Variants in PTPRD observed in about 807,000 individuals in gnomAD.
PTPRD encodes receptor-type tyrosine-protein phosphatase delta.
PTPRD carries 34 observed loss-of-function variants against 214.5 expected under a neutral mutation model. That is an observed-to-expected ratio of 0.16 (90% CI 0.12 to 0.21). PTPRD has a LOEUF of 0.21. Ranked by LOEUF, PTPRD falls within the 10% of genes least tolerant of loss-of-function variation. PTPRD has a pLI of 1.00. For synonymous variants in PTPRD, 1,128 were observed against 845.7 expected (o/e 1.33, Z -5.79); for missense variants, 2,545 against 2,398.7 (o/e 1.06, Z -1.27).
At chr9:9,857,168 T>C (rs1433598416) in intron 5 of PTPRD, among the ~76,000 whole-genome samples, 1 of 152,168 alleles carries the variant, frequency 6.6e-6, no homozygotes, top group East Asian at 1.9e-4. Context: ...ATTGTTTATG[T>C]CACAATTTCA....
intron 37 of PTPRD, among the ~76,000 whole-genome samples, chr9:8,387,895 G>A (rs2087771271): frequency 6.6e-6 from 1 of 152,180 alleles, no homozygotes; most frequent in South Asian, 2.1e-4. Flanking sequence ...GAAACTGCTT[G>A]ATATATAGGA....
intron 39 of PTPRD, among the ~76,000 whole-genome samples, chr9:8,352,496 G>A (rs1004741350): frequency 6.6e-6 from 1 of 152,094 alleles, no homozygotes; most frequent in African/African-American, 2.4e-5. Context: ...TTTGAAAGAG[G>A]AGACAACCAT....
At chr9:9,852,181 A>C (rs2060670425) in intron 5 of PTPRD, among the ~76,000 whole-genome samples, 1 of 152,182 alleles carries the variant, frequency 6.6e-6, no homozygotes, top group East Asian at 1.9e-4. Flanking sequence ...TTTGTTTTTG[A>C]AATGAAATAT....
At chr9:8,743,187 A>T (rs2092318516) in intron 11 of PTPRD, among the ~76,000 whole-genome samples, 1 of 152,110 alleles carries the variant, frequency 6.6e-6, no homozygotes, top group Admixed American at 6.6e-5. Flanking sequence ...GTTTTCATAC[A>T]TAAACTCAAA....
intron 11 of PTPRD, among the ~76,000 whole-genome samples, chr9:8,843,404 GATTTT>G (rs1039641742): frequency 5.9e-5 from 9 of 152,214 alleles, no homozygotes; most frequent in African/African-American, 2.2e-4. Flanking sequence ...TGTACACCTT[GATTTT>G]ATTACATCTG....
At chr9:9,747,770 C>A (rs558137793) in intron 6 of PTPRD, among the ~76,000 whole-genome samples, 1 of 152,212 alleles carries the variant, frequency 6.6e-6, no homozygotes, top group East Asian at 1.9e-4. Context: ...CCGGGCTGGT[C>A]TCAAACTACT....
At chr9:8,968,497 G>A (rs1171588452) in intron 11 of PTPRD, among the ~76,000 whole-genome samples, 1 of 151,858 alleles carries the variant, frequency 6.6e-6, no homozygotes, top group Admixed American at 6.6e-5. Flanking sequence ...GCATTTCTCT[G>A]ATCGCCAGTG....
intron 14 of PTPRD, among the ~76,000 whole-genome samples, chr9:8,565,528 A>G (rs2088645703): frequency 6.6e-6 from 1 of 152,172 alleles, no homozygotes; most frequent in Non-Finnish European, 1.5e-5. Context: ...TCTCCCCTTG[A>G]CACTTCACGT....
At chr9:10,117,526 C>T (rs2098740085) in intron 3 of PTPRD, among the ~76,000 whole-genome samples, 1 of 151,966 alleles carries the variant, frequency 6.6e-6, no homozygotes, top group Non-Finnish European at 1.5e-5. Context: ...TTGCTTCCTT[C>T]AGTTTTTGGT....
At chr9:9,943,561 A>C (rs1435903947) in intron 4 of PTPRD, among the ~76,000 whole-genome samples, 2 of 152,164 alleles carry the variant, frequency 1.3e-5, no homozygotes, top group Admixed American at 6.6e-5. Flanking sequence ...AATAGCGAAC[A>C]TGTAATTAAG....
intron 3 of PTPRD, among the ~76,000 whole-genome samples, chr9:10,090,450 T>C (rs191214386): frequency 1.8e-4 from 27 of 151,516 alleles, no homozygotes; most frequent in African/African-American, 6.5e-4. Context: ...AAATCTGCAA[T>C]GGTAATTCTT....
At chr9:8,635,362 G>A (rs184760782) in intron 13 of PTPRD, among the ~76,000 whole-genome samples, 4 of 151,644 alleles carry the variant, frequency 2.6e-5, no homozygotes, top group Non-Finnish European at 5.9e-5. Flanking sequence ...TTAATGTGCA[G>A]CAAAGATGCA....
At chr9:8,460,193 T>A in intron 33 of PTPRD, 1 of 600,478 alleles carries the variant, frequency 1.7e-6, no homozygotes, top group Non-Finnish European at 2.9e-6. Context: ...AGATGCATGT[T>A]GGACAACAGA....
chr9:8,813,624 C>G (rs562113331), intron 11 of PTPRD, among the ~76,000 whole-genome samples: 10 of 152,288 alleles, frequency 6.6e-5, no homozygotes, highest in African/African-American at 2.4e-4. Context: ...CCTCCCGCCT[C>G]GGCCTCCTGC....
chr9:10,186,203 T>C (rs547152940), intron 3 of PTPRD, among the ~76,000 whole-genome samples: 1 of 152,202 alleles, frequency 6.6e-6, no homozygotes, highest in East Asian at 1.9e-4. Flanking sequence ...AAGTTAAATA[T>C]AATTAAACTC....
At chr9:8,667,377 T>C (rs374102184) in intron 12 of PTPRD, among the ~76,000 whole-genome samples, 13 of 152,070 alleles carry the variant, frequency 8.5e-5, no homozygotes, top group Non-Finnish European at 1.3e-4. Flanking sequence ...AAATTCAATT[T>C]TTTTTCCATC....
chr9:8,501,307 A>C (rs2097400650), intron 23 of PTPRD, among the ~76,000 whole-genome samples: 2 of 152,186 alleles, frequency 1.3e-5, no homozygotes, highest in African/African-American at 4.8e-5. Context: ...ATATGTGAAA[A>C]TGAGACCTCG....
chr9:8,702,676 C>G (rs1325827117), intron 12 of PTPRD, among the ~76,000 whole-genome samples: 1 of 152,154 alleles, frequency 6.6e-6, no homozygotes, highest in Non-Finnish European at 1.5e-5. Context: ...TGCAGTGGCA[C>G]GATCTCGGCT....
intron 3 of PTPRD, among the ~76,000 whole-genome samples, chr9:10,214,541 G>C (rs1307975266): frequency 6.6e-6 from 1 of 150,834 alleles, no homozygotes; most frequent in East Asian, 2.0e-4. Flanking sequence ...CTCCCAAAGT[G>C]CTAAGAATAC....
Sources: allele counts gnomAD v4.1 joint callset (sites outside exome capture counted in the v4.1 genomes callset), GRCh38; gene constraint gnomAD v4.1.1; transcripts MANE v1.5; gene names NCBI Gene and HGNC (gene_info 2026-07-23, HGNC 2026-07-21).